TYR: variants seen among roughly 807,000 people sequenced by gnomAD.
The protein encoded by TYR is tyrosinase.
TYR carries 58 observed loss-of-function variants against 51.5 expected under a neutral mutation model. That is an observed-to-expected ratio of 1.13 (90% CI 0.91 to 1.40). The LOEUF (loss-of-function observed/expected upper bound fraction) is 1.40. TYR is among the 40% of genes most tolerant of loss of function. The pLI, the probability that TYR is intolerant of heterozygous loss-of-function variation, is 0.00. For synonymous variants in TYR, 263 were observed against 235.2 expected, an observed-to-expected ratio of 1.12 and a Z score of -1.08; for missense variants, 732 against 647.4, an observed-to-expected ratio of 1.13 and a Z score of -1.42.
chr11:89,258,339 A>AT (rs962952633), intron 3 of TYR, among the ~76,000 whole-genome samples: 1,830 of 149,200 alleles, frequency 0.012, 37 homozygotes, highest in African/African-American at 0.041. Flanking sequence ...AAGAAAATTG[A>AT]TTTTTTTTTT....
chr11:89,270,318 C>T (rs950617112), intron 3 of TYR, among the ~76,000 whole-genome samples: 2 of 151,808 alleles, frequency 1.3e-5, no homozygotes, highest in African/African-American at 4.8e-5. Context: ...CAAGTGTCAC[C>T]AAAGGGGCAC....
chr11:89,195,691 T>A (rs1330563455), intron 2 of TYR, among the ~76,000 whole-genome samples: 1 of 145,042 alleles, frequency 6.9e-6, no homozygotes, highest in Non-Finnish European at 1.5e-5. Flanking sequence ...AATAAATAAA[T>A]AAAAATAAAA....
intron 4 of TYR, 38 bp from the exon 5 acceptor site, chr11:89,295,105 G>A: frequency 6.2e-7 from 1 of 1,608,976 alleles, no homozygotes; most frequent in Non-Finnish European, 8.5e-7. Context: ...TAACAATGGT[G>A]GTAACAATAA....
chr11:89,206,650 A>G (rs1943676081), intron 2 of TYR, among the ~76,000 whole-genome samples: 1 of 134,598 alleles, frequency 7.4e-6, no homozygotes, highest in Non-Finnish European at 1.5e-5. Context: ...TTGATAGAAC[A>G]TTCCATTCAA....
At chr11:89,269,192 T>C (rs1944560736) in intron 3 of TYR, among the ~76,000 whole-genome samples, 1 of 151,936 alleles carries the variant, frequency 6.6e-6, no homozygotes, top group Admixed American at 6.6e-5. Flanking sequence ...TAAGTTTTGT[T>C]ATCACCACTT....
rs147568141 is a variant in TYR at position 89,288,129 on chromosome 11, T to C, written c.1366+3175T>C. Among the ~76,000 whole-genome samples the C allele has an allele frequency of 1.2e-3, 175 of 151,970 alleles. 1 individual carries two copies. The highest frequency in any genetic ancestry group is 3.7e-3 in the African/African-American group (154 of 41,496). ...GGCAAGGTGAATGTCTCTTGAGAAG[T>C]TGGATACACAGCCTGAAACTCAAAA... On this transcript the variant is annotated intron_variant, in intron 4 of 4. Transcript: ENST00000263321.
At chr11:89,243,742 C>T (rs1009156943) in intron 3 of TYR, among the ~76,000 whole-genome samples, 45 of 152,122 alleles carry the variant, frequency 3.0e-4, no homozygotes, top group Non-Finnish European at 1.8e-4. Flanking sequence ...GAAATATACT[C>T]TCTGCTGTCA....
chr11:89,284,989 T>C, intron 4 of TYR, 35 bp downstream of exon 4: 1 of 1,569,098 alleles, frequency 6.4e-7, no homozygotes, highest in African/African-American at 1.4e-5. Flanking sequence ...AATTGCTGAA[T>C]CTAGTGTTAC....
chr11:89,208,128 G>T (rs1372132169), intron 2 of TYR, among the ~76,000 whole-genome samples: 1 of 152,182 alleles, frequency 6.6e-6, no homozygotes, highest in Non-Finnish European at 1.5e-5. Context: ...AAATTAGCCA[G>T]ATGTGGTGGC....
chr11:89,211,717 A>T (rs1943758788), intron 2 of TYR, among the ~76,000 whole-genome samples: 1 of 152,212 alleles, frequency 6.6e-6, no homozygotes, highest in Non-Finnish European at 1.5e-5. Flanking sequence ...TCCACAGCAA[A>T]TGTAAAAGAA....
intron 3 of TYR, among the ~76,000 whole-genome samples, chr11:89,249,992 C>G (rs1345071764): frequency 6.6e-6 from 1 of 151,894 alleles, no homozygotes; most frequent in Non-Finnish European, 1.5e-5. Context: ...GTGTACTGAT[C>G]TAGTTATTTC....
intron 2 of TYR, among the ~76,000 whole-genome samples, chr11:89,204,843 G>A (rs1943650862): frequency 8.7e-5 from 13 of 149,600 alleles, no homozygotes; most frequent in Admixed American, 8.7e-4. Flanking sequence ...AAAAAAGACA[G>A]CAGACGTTAA....
At chr11:89,234,203 C>T (rs1944083785) in intron 3 of TYR, among the ~76,000 whole-genome samples, 1 of 143,322 alleles carries the variant, frequency 7.0e-6, no homozygotes, top group Non-Finnish European at 1.5e-5. Context: ...TCTTGTAAAC[C>T]AAGCTTTGCC....
Position 89,295,212 on chromosome 11 carries a change from T to C in TYR, c.1436T>C (p.Leu479Pro), listed in dbSNP as rs777535624. 1 of 1,614,000 alleles carries C rather than the reference T, an allele frequency of 6.2e-7. No homozygotes were observed. Among genetic ancestry groups the C allele is most frequent in the South Asian group, 1.1e-5 (1 of 91,080 alleles). ...GCGAGTCGGATCTGGTCATGGCTCCTTGGGGCGGCGATGGTAGGGGCCGTC... is the reference window on the plus strand; with the variant it reads ...GCGAGTCGGATCTGGTCATGGCTCCCTGGGGCGGCGATGGTAGGGGCCGTC... ...EQASRIWSWL[L>P]GAAMVGAVLT... Residue 479 changes from leucine to proline, a missense_variant, in exon 5 of 5, where the codon CTT becomes CCT. By Grantham distance (98) the Leu-to-Pro change is moderately conservative. Transcript: ENST00000263321.
chr11:89,227,660 T>C (rs1235305444), intron 2 of TYR, among the ~76,000 whole-genome samples, 163 bp from the exon 3 acceptor site: 1 of 152,208 alleles, frequency 6.6e-6, no homozygotes, highest in African/African-American at 2.4e-5. Flanking sequence ...GAATACACAC[T>C]GGGTATCCAG....
intron 2 of TYR, among the ~76,000 whole-genome samples, chr11:89,223,532 G>C (rs1943939258): frequency 6.6e-6 from 1 of 152,112 alleles, no homozygotes; most frequent in African/African-American, 2.4e-5. Flanking sequence ...TGCCAGAGTA[G>C]AGCTCTCTAA....
chr11:89,187,146 G>T, intron 1 of TYR, among the ~76,000 whole-genome samples: 1 of 152,120 alleles, frequency 6.6e-6, no homozygotes, highest in Non-Finnish European at 1.5e-5. Flanking sequence ...ACTATAGACT[G>T]AGACTGTGGG....
chr11:89,242,461 C>T (rs1944210735), intron 3 of TYR, among the ~76,000 whole-genome samples: 1 of 152,028 alleles, frequency 6.6e-6, no homozygotes, highest in South Asian at 2.1e-4. Flanking sequence ...TCACCCATCT[C>T]GGCCTTCCAA....
At chr11:89,268,008 C>T (rs1359642926) in intron 3 of TYR, among the ~76,000 whole-genome samples, 1 of 151,862 alleles carries the variant, frequency 6.6e-6, no homozygotes, top group Admixed American at 6.6e-5. Context: ...GTACAAATAC[C>T]TCATTAAGGC....
Sources: allele counts gnomAD v4.1 joint callset (sites outside exome capture counted in the v4.1 genomes callset), GRCh38; gene constraint gnomAD v4.1.1; transcripts MANE v1.5; gene names NCBI Gene and HGNC (gene_info 2026-07-23, HGNC 2026-07-21).